The following MMP16 variants were observed in gnomAD, a reference collection of about 807,000 sequenced individuals.
MMP16 encodes matrix metalloproteinase-16.
In MMP16, 12 loss-of-function variants were observed where a neutral mutation model predicts 67.8. The observed-to-expected ratio is 0.18, with a 90% CI of 0.11 to 0.29. MMP16 has a LOEUF of 0.29. Ranked by LOEUF, MMP16 falls within the 10% of genes least tolerant of loss-of-function variation. MMP16 has a pLI of 1.00. For synonymous variants in MMP16, 249 were observed against 255.9 expected (o/e 0.97, Z 0.26); for missense variants, 475 against 765.7 (o/e 0.62, Z 4.48).
chr8:88,314,738 GTTGA>G (rs368228786), intron 1 of MMP16, among the ~76,000 whole-genome samples: 9 of 152,268 alleles, frequency 5.9e-5, no homozygotes, highest in Middle Eastern at 3.4e-3. Context: ...AGCTGTTTTG[GTTGA>G]TTCTTTCCTT....
rs1808013948 is a variant in MMP16, at chr8:88,033,592, A to C, written c.*7869T>G. On this transcript the variant is annotated 3_prime_UTR_variant, in exon 10 of 10. Transcript: ENST00000286614. ...AGTTTATTAAAAGTTATATTAGCGC[A>C]AAATTGAACTAGTAAACTCCATTTA... 1 of 152,098 alleles carries C rather than the reference A, an allele frequency of 6.6e-6. No individual in the cohort carries two copies. The highest frequency in any genetic ancestry group is 6.6e-5 in the Admixed American group (1 of 15,228). The allele number at this position is 152,098 out of a possible 1,614,324, so 9.4% of individuals were successfully genotyped here. A position where few individuals can be genotyped will look rare whatever the true frequency, so the allele number is the denominator to read the frequency against.
intron 8 of MMP16, among the ~76,000 whole-genome samples, chr8:88,050,985 C>T (rs1428362774): frequency 1.3e-5 from 2 of 152,122 alleles, no homozygotes; most frequent in Admixed American, 6.5e-5. Flanking sequence ...AACATAAATG[C>T]ATTTTTCCCT....
intron 6 of MMP16, among the ~76,000 whole-genome samples, chr8:88,088,236 T>C (rs1026527868): frequency 3.3e-5 from 5 of 150,430 alleles, no homozygotes; most frequent in African/African-American, 9.8e-5. Context: ...TAGATATATA[T>C]AGATATCTAT....
chr8:88,178,077 T>G (rs1808922081), intron 3 of MMP16, among the ~76,000 whole-genome samples: 1 of 152,132 alleles, frequency 6.6e-6, no homozygotes, highest in Admixed American at 6.5e-5. Flanking sequence ...AACCCCTAAC[T>G]AGATAAACAT....
rs542716263 is a variant in MMP16 at position 88,277,961 on chromosome 8, G to A, written c.132+49114C>T. 4.6e-5 allele frequency among the ~76,000 whole-genome samples: 7 copies of A among 152,274 alleles called. No homozygotes were observed. In the South Asian group the frequency reaches 1.5e-3, roughly 32 times the overall value. ...AAGATCTTCTCCAGCACTACTGATT[G>A]CACTGAATTACCAAAAATTTATTTG... On this transcript the variant is annotated intron_variant, in intron 1 of 9. Coordinates refer to ENST00000286614, the MANE Select transcript of MMP16 (RefSeq NM_005941.5).
intron 3 of MMP16, among the ~76,000 whole-genome samples, chr8:88,180,116 T>C (rs1808955282): frequency 6.6e-6 from 1 of 151,974 alleles, no homozygotes; most frequent in Non-Finnish European, 1.5e-5. Flanking sequence ...ATCCCATCTC[T>C]ACTAAAAATA....
chr8:88,105,238 G>A (rs896768782), intron 6 of MMP16, among the ~76,000 whole-genome samples: 7 of 150,462 alleles, frequency 4.7e-5, no homozygotes, highest in Non-Finnish European at 3.0e-5. Context: ...GGATAATCTG[G>A]GTTTGCTTGA....
chr8:88,262,937 A>G (rs563811546), intron 1 of MMP16, among the ~76,000 whole-genome samples: 28 of 151,054 alleles, frequency 1.9e-4, no homozygotes, highest in Non-Finnish European at 3.4e-4. Flanking sequence ...AGGCAGGAGA[A>G]TGGCGTGAAC....
rs577257680 is a variant in MMP16 at position 88,279,825 on chromosome 8, GC to G, written c.132+47249del. On this transcript the variant is annotated intron_variant, in intron 1 of 9. Transcript: ENST00000286614. ...CATCTAAAAGGAACTCTAATATGCAGCAGCCTTCAGTGAAATACTATGAAGC... is the reference window on the plus strand; with the variant it reads ...CATCTAAAAGGAACTCTAATATGCAGAGCCTTCAGTGAAATACTATGAAGC... Among the ~76,000 whole-genome samples, 59 of 152,258 alleles carry G rather than the reference GC, an allele frequency of 3.9e-4. No individual in the cohort carries two copies. The South Asian group carries it at 0.012, about 32-fold the overall frequency.
At chr8:88,326,873 T>C in intron 1 of MMP16, 1 of 549,652 alleles carries the variant, frequency 1.8e-6, no homozygotes, top group East Asian at 3.3e-5. Flanking sequence ...TGCTTTGTGC[T>C]GCCGGGGATA....
At chr8:88,162,402 G>C (rs549157023) in intron 4 of MMP16, among the ~76,000 whole-genome samples, 28 of 152,002 alleles carry the variant, frequency 1.8e-4, no homozygotes, top group Non-Finnish European at 3.7e-4. Context: ...GAATTATTGA[G>C]AGAGTTCGTT....
intron 4 of MMP16, among the ~76,000 whole-genome samples, chr8:88,141,759 A>G (rs921781972): frequency 6.6e-6 from 1 of 152,140 alleles, no homozygotes; most frequent in Non-Finnish European, 1.5e-5. Flanking sequence ...CCTCTTACAT[A>G]TTACTGGTAG....
intron 1 of MMP16, among the ~76,000 whole-genome samples, chr8:88,283,566 C>T (rs993502377): frequency 7.2e-5 from 11 of 152,100 alleles, no homozygotes; most frequent in Non-Finnish European, 1.6e-4. Context: ...CCAGGCACCT[C>T]CCCACTCTCT....
intron 1 of MMP16, among the ~76,000 whole-genome samples, chr8:88,316,513 C>G (rs1811376236): frequency 6.6e-6 from 1 of 152,160 alleles, no homozygotes; most frequent in Non-Finnish European, 1.5e-5. Context: ...GCTTGGATGA[C>G]AGCATATCTT....
chr8:88,143,419 T>C (rs1808243176), intron 4 of MMP16, among the ~76,000 whole-genome samples: 1 of 152,142 alleles, frequency 6.6e-6, no homozygotes, highest in African/African-American at 2.4e-5. Context: ...CTTGAAGTCC[T>C]TCTACTACTT....
chr8:88,204,090 A>G (rs1351896115), intron 1 of MMP16, among the ~76,000 whole-genome samples: 3 of 152,260 alleles, frequency 2.0e-5, no homozygotes, highest in Non-Finnish European at 4.4e-5. Context: ...TCCAACTGTC[A>G]TAATTCCCTA....
intron 3 of MMP16, among the ~76,000 whole-genome samples, chr8:88,185,172 T>A (rs1809053737): frequency 6.6e-6 from 1 of 152,026 alleles, no homozygotes; most frequent in Non-Finnish European, 1.5e-5. Context: ...AGAAAAGTGT[T>A]CCCAGGCCAG....
rs1808622877 is a variant in MMP16, at chr8:88,074,982, T to C, written c.1084-239A>G. On this transcript the variant is annotated intron_variant, in intron 6 of 9. Transcript: ENST00000286614. The stretch of plus-strand genomic sequence containing the variant: ...AACATAATGTCAACATACTGAATCT[T>C]GTCATTTTACATTTTCTCTAGGGCT... Among the ~76,000 whole-genome samples, 4 of 152,286 alleles carry C rather than the reference T, an allele frequency of 2.6e-5. No individual in the cohort carries two copies. The South Asian group carries it at 8.3e-4, about 32-fold the overall frequency.
At chr8:88,088,760 CACAACTTGCTGTGGAGT>C (rs1162600583) in intron 6 of MMP16, among the ~76,000 whole-genome samples, 8 of 152,178 alleles carry the variant, frequency 5.3e-5, no homozygotes, top group Admixed American at 1.3e-4. Flanking sequence ...GTCCTCAACA[CACAACTTGCTGTGGAGT>C]AAAATAGTGA....
Sources: gnomAD v4.1 joint callset for allele counts (sites outside exome capture counted in the v4.1 genomes callset) on GRCh38, gnomAD v4.1.1 for gene constraint, MANE v1.5 for transcripts, NCBI Gene and HGNC (gene_info 2026-07-23, HGNC 2026-07-21) for gene names.